Variants in DPP10 observed in about 807,000 individuals in gnomAD.
The protein encoded by DPP10 is inactive dipeptidyl peptidase 10.
DPP10 carries 33 observed loss-of-function variants against 120.9 expected under a neutral mutation model. The observed-to-expected ratio is 0.27, with a 90% CI of 0.21 to 0.37. The LOEUF (loss-of-function observed/expected upper bound fraction) is 0.37, where lower values mean the gene tolerates loss of function less well. Ranked by LOEUF, DPP10 falls within the 10% of genes least tolerant of loss-of-function variation. The probability of loss-of-function intolerance (pLI) is 1.00; values close to 1 mark genes in which losing one functional copy is unlikely to be tolerated. For missense variants in DPP10, 816 were observed against 942.8 expected (o/e 0.87, Z 1.76); for synonymous variants, 337 against 326.1 (o/e 1.03, Z -0.36).
At chr2:115,286,229 G>C (rs1239569531) in intron 1 of DPP10, among the ~76,000 whole-genome samples, 2 of 151,254 alleles carry the variant, frequency 1.3e-5, no homozygotes, top group Non-Finnish European at 3.0e-5. Context: ...AACATTTGGA[G>C]ATATTTTGGC....
chr2:115,409,356 CTT>C (rs1407892989), intron 3 of DPP10, among the ~76,000 whole-genome samples: 1 of 152,066 alleles, frequency 6.6e-6, no homozygotes, highest in East Asian at 1.9e-4. Flanking sequence ...TTTGAAGTCA[CTT>C]TACTAAAGAT....
chr2:115,314,108 G>T (rs934953246), intron 2 of DPP10, among the ~76,000 whole-genome samples: 3 of 152,134 alleles, frequency 2.0e-5, no homozygotes, highest in African/African-American at 7.2e-5. Flanking sequence ...AGAACATTTT[G>T]TGCAGAATAG....
intron 5 of DPP10, among the ~76,000 whole-genome samples, chr2:115,633,789 A>C (rs2086092923): frequency 6.6e-6 from 1 of 152,010 alleles, no homozygotes; most frequent in African/African-American, 2.4e-5. Flanking sequence ...GGAGTATCTT[A>C]CTGGGGTTCT....
Position 115,636,605 on chromosome 2 carries a change from AGAGT to A in DPP10, c.442-53078_442-53075del, listed in dbSNP as rs537932277. On this transcript the variant is annotated intron_variant, in intron 5 of 25. Coordinates refer to ENST00000410059, the MANE Select transcript of DPP10 (RefSeq NM_020868.6). ...AAAGGAGAGAGACAGAAAAAGAGAG[AGAGT>A]GAGAGAAGGAGAGAAGGAGAAAAAG... 2.3e-3 allele frequency among the ~76,000 whole-genome samples: 345 copies of A among 152,222 alleles called. 1 individual carries two copies. The highest frequency in any genetic ancestry group is 8.0e-3 in the African/African-American group (332 of 41,532).
At chr2:115,341,983 A>C (rs998551098) in intron 2 of DPP10, among the ~76,000 whole-genome samples, 1 of 152,192 alleles carries the variant, frequency 6.6e-6, no homozygotes, top group Non-Finnish European at 1.5e-5. Flanking sequence ...ACTGGATTGT[A>C]TGATAATAAT....
intron 1 of DPP10, among the ~76,000 whole-genome samples, chr2:115,252,295 C>A (rs2105678638): frequency 6.6e-6 from 1 of 152,180 alleles, no homozygotes; most frequent in South Asian, 2.1e-4. Flanking sequence ...AGAACTCATC[C>A]CTGTCCCTTC....
intron 3 of DPP10, among the ~76,000 whole-genome samples, chr2:115,471,249 G>T (rs753863537): frequency 6.6e-6 from 1 of 152,174 alleles, no homozygotes; most frequent in Non-Finnish European, 1.5e-5. Context: ...ATCCTACCTT[G>T]AGAGTCAGCT....
intron 1 of DPP10, among the ~76,000 whole-genome samples, chr2:114,538,407 T>C (rs532227745): frequency 6.6e-6 from 1 of 152,292 alleles, no homozygotes; most frequent in African/African-American, 2.4e-5. Flanking sequence ...AGAAGGGAAT[T>C]GAGACTCACA....
chr2:114,896,548 G>T (rs1693019287), intron 1 of DPP10, among the ~76,000 whole-genome samples: 1 of 151,982 alleles, frequency 6.6e-6, no homozygotes, highest in Non-Finnish European at 1.5e-5. Context: ...TCTGTTATTG[G>T]TGTATAAGAA....
At chr2:115,238,723 A>C (rs957151985) in intron 1 of DPP10, among the ~76,000 whole-genome samples, 2 of 152,242 alleles carry the variant, frequency 1.3e-5, no homozygotes, top group Non-Finnish European at 2.9e-5. Flanking sequence ...ATACGATGTG[A>C]ACATTGTTGA....
chr2:114,519,629 T>G (rs1371579372), intron 1 of DPP10, among the ~76,000 whole-genome samples: 1 of 152,252 alleles, frequency 6.6e-6, no homozygotes, highest in African/African-American at 2.4e-5. Flanking sequence ...GTTTGCATTC[T>G]ATAGGAAAAT....
At chr2:114,604,143 C>G (rs1439241551) in intron 1 of DPP10, among the ~76,000 whole-genome samples, 1 of 151,948 alleles carries the variant, frequency 6.6e-6, no homozygotes, top group Non-Finnish European at 1.5e-5. Flanking sequence ...GGGCTGCTCA[C>G]CTAGGCAACT....
intron 1 of DPP10, among the ~76,000 whole-genome samples, chr2:114,496,255 A>C (rs1682509176): frequency 6.6e-6 from 1 of 152,082 alleles, no homozygotes; most frequent in Admixed American, 6.6e-5. Flanking sequence ...CTTTGGATGG[A>C]GGGGCTCTGT....
chr2:114,867,509 T>C (rs1690334153), intron 1 of DPP10, among the ~76,000 whole-genome samples: 1 of 152,202 alleles, frequency 6.6e-6, no homozygotes, highest in Admixed American at 6.5e-5. Context: ...ACAAGTTTCC[T>C]TATGTCTCTT....
At chr2:115,799,655 A>G (rs1684947845) in intron 19 of DPP10, among the ~76,000 whole-genome samples, 3 of 137,430 alleles carry the variant, frequency 2.2e-5, no homozygotes, top group Admixed American at 8.1e-5. Context: ...TCATTGTTCA[A>G]TTCCCACCTA....
intron 1 of DPP10, among the ~76,000 whole-genome samples, chr2:114,495,621 G>GT (rs2104465752): frequency 1.3e-5 from 2 of 152,198 alleles, no homozygotes; most frequent in South Asian, 4.2e-4. Context: ...GCAAAGGGAG[G>GT]TTTTATCCTC....
chr2:114,507,809 G>T (rs189551681), intron 1 of DPP10, among the ~76,000 whole-genome samples: 6 of 152,206 alleles, frequency 3.9e-5, no homozygotes, highest in Admixed American at 1.3e-4. Context: ...ACTCTGCAGG[G>T]TTGCTATAAG....
At chr2:115,749,740 A>G (rs1325582757) in intron 10 of DPP10, among the ~76,000 whole-genome samples, 1 of 152,234 alleles carries the variant, frequency 6.6e-6, no homozygotes, top group Non-Finnish European at 1.5e-5. Context: ...ATCACAGATT[A>G]TCTAGAAGAA....
intron 1 of DPP10, among the ~76,000 whole-genome samples, chr2:114,450,299 T>C (rs138172207): frequency 1.3e-5 from 2 of 152,262 alleles, no homozygotes; most frequent in East Asian, 3.9e-4. Flanking sequence ...AGTCAGACTG[T>C]TATGTTCTTA....
Sources: gnomAD v4.1 joint callset for allele counts (sites outside exome capture counted in the v4.1 genomes callset) on GRCh38, gnomAD v4.1.1 for gene constraint, MANE v1.5 for transcripts, NCBI Gene and HGNC (gene_info 2026-07-23, HGNC 2026-07-21) for gene names.